The following DLGAP4 variants were observed in gnomAD, a reference collection of about 807,000 sequenced individuals.
The protein encoded by DLGAP4 is DLG associated protein 4, also known as disks large-associated protein 4.
DLGAP4 carries 18 observed loss-of-function variants against 86.9 expected under a neutral mutation model. The ratio of observed to expected loss-of-function variants is 0.21; its 90% confidence interval spans 0.14 to 0.31. The LOEUF is 0.31. Among genes scored for constraint, DLGAP4 ranks in the 10% least tolerant of loss-of-function variants. DLGAP4 has a pLI of 1.00. For missense variants in DLGAP4, 1,085 were observed against 1,362.6 expected, an observed-to-expected ratio of 0.80 and a Z score of 3.21; for synonymous variants, 548 against 574.3, an observed-to-expected ratio of 0.95 and a Z score of 0.65.
At chr20:36,459,206 G>A (rs2033959496) in intron 7 of DLGAP4, among the ~76,000 whole-genome samples, 1 of 152,036 alleles carries the variant, frequency 6.6e-6, no homozygotes, top group Non-Finnish European at 1.5e-5. Flanking sequence ...TTAGGGGAAG[G>A]ACCCAGTACT....
intron 7 of DLGAP4, chr20:36,461,661 CCG>C: frequency 8.5e-6 from 2 of 236,420 alleles, no homozygotes; most frequent in Non-Finnish European, 1.3e-5. Flanking sequence ...GGGGGCCGCC[CCG>C]CCCGGCCCGG....
chr20:36,504,562 A>G (rs1230487385), intron 10 of DLGAP4, among the ~76,000 whole-genome samples: 1 of 152,140 alleles, frequency 6.6e-6, no homozygotes, highest in Non-Finnish European at 1.5e-5. Context: ...CTTTTTGAGG[A>G]ATGGCTGAAC....
At chr20:36,366,193 C>G (rs577161265) in intron 1 of DLGAP4, among the ~76,000 whole-genome samples, 2 of 152,228 alleles carry the variant, frequency 1.3e-5, no homozygotes, top group Admixed American at 6.5e-5. Flanking sequence ...CATCTCGGCT[C>G]ACTGCAACCT....
intron 2 of DLGAP4, among the ~76,000 whole-genome samples, chr20:36,389,267 C>T (rs752040413): frequency 2.6e-5 from 4 of 152,104 alleles, no homozygotes; most frequent in South Asian, 4.1e-4. Context: ...ATTGCATAGA[C>T]GTAGTTTTAT....
At chr20:36,526,155 G>A in intron 12 of DLGAP4, 149 bp downstream of exon 12, 1 of 1,163,808 alleles carries the variant, frequency 8.6e-7, no homozygotes, top group Non-Finnish European at 1.2e-6. Flanking sequence ...TGGGGTCCAT[G>A]CTTGGCACTT....
chr20:36,509,304 C>T (rs1245274896), intron 10 of DLGAP4, among the ~76,000 whole-genome samples: 15 of 152,118 alleles, frequency 9.9e-5, no homozygotes, highest in Admixed American at 9.8e-4. Context: ...GGCGCAGTGG[C>T]TCATGCTTAT....
At position 36,350,473 on chromosome 20, in the gene DLGAP4, A is replaced by C. The variant is rs1029371069; in HGVS notation, c.-303-16572A>C. On this transcript the variant is annotated intron_variant, in intron 1 of 12. Transcript: ENST00000339266. The surrounding 1 kb of genome is among the most constrained non-coding windows in gnomAD (Gnocchi z 4.4). ...CACTCAGAATTCAACTTCCTTCAAT[A>C]TCTCAATTTGCAGGTGCTTAATGAA... Among the ~76,000 whole-genome samples the C allele has an allele frequency of 6.6e-6, 1 of 152,070 alleles. No homozygotes were observed. Among genetic ancestry groups the C allele is most frequent in the South Asian group, 2.1e-4 (1 of 4,826 alleles).
At chr20:36,440,919 A>G (rs1600533245) in intron 5 of DLGAP4, among the ~76,000 whole-genome samples, 1 of 151,840 alleles carries the variant, frequency 6.6e-6, no homozygotes, top group Admixed American at 6.6e-5. Flanking sequence ...AGGCTTTGGG[A>G]CCCCGACTCC....
At chr20:36,493,910 C>T (rs139806811) in intron 7 of DLGAP4, among the ~76,000 whole-genome samples, 4 of 152,318 alleles carry the variant, frequency 2.6e-5, no homozygotes, top group East Asian at 3.9e-4. Context: ...GCTTTTGGCC[C>T]GCAGCCTGTG....
intron 1 of DLGAP4, among the ~76,000 whole-genome samples, chr20:36,320,725 G>A (rs907755999): frequency 6.6e-6 from 1 of 152,156 alleles, no homozygotes; most frequent in African/African-American, 2.4e-5. Flanking sequence ...TGGGACCTCT[G>A]GGGGCTGCTG....
rs2037895116 is a variant in DLGAP4, at chr20:36,528,312, C to T, written c.*1281C>T. On this transcript the variant is annotated 3_prime_UTR_variant, in exon 13 of 13. Transcript: ENST00000339266. The stretch of plus-strand genomic sequence containing the variant: ...AGCCCTGAGCTGCAATGGCCCGGGC[C>T]TGCAGGGCGGGGTAGGGGAGGGCAG... 2.0e-5 allele frequency: 3 copies of T among 152,950 alleles called. No individual in the cohort carries two copies. The highest frequency in any genetic ancestry group is 7.2e-5 in the African/African-American group (3 of 41,564). The allele number at this position is 152,950 out of a possible 1,614,324, so 9.5% of individuals were successfully genotyped here.
chr20:36,445,553 T>C (rs973691776), intron 6 of DLGAP4, among the ~76,000 whole-genome samples: 4 of 152,170 alleles, frequency 2.6e-5, no homozygotes, highest in African/African-American at 4.8e-5. Flanking sequence ...ACCCTCCAAA[T>C]TGGGTGAACA....
chr20:36,460,204 G>A (rs939292002), intron 7 of DLGAP4, among the ~76,000 whole-genome samples: 2 of 152,136 alleles, frequency 1.3e-5, no homozygotes, highest in Admixed American at 6.5e-5. Context: ...CTTGGCTCAC[G>A]CCTGTAATCT....
chr20:36,520,507 T>C lies in DLGAP4; in HGVS notation c.2513-3743T>C, dbSNP rs144469384. Among the ~76,000 whole-genome samples, 353 of 152,080 alleles carry C rather than the reference T, an allele frequency of 2.3e-3. 1 individual carries two copies. The highest frequency in any genetic ancestry group is 3.7e-3 in the Non-Finnish European group (249 of 67,974). On this transcript the variant is annotated intron_variant, in intron 10 of 12. Coordinates refer to ENST00000339266, the MANE Select transcript of DLGAP4 (RefSeq NM_001365621.2). ...GATTAATAGGCATGCGTCACCAGCC[T>C]AGCTAATTTTTGTATTCTTAGTAGA...
intron 2 of DLGAP4, among the ~76,000 whole-genome samples, chr20:36,406,126 C>T (rs1032927521): frequency 1.8e-4 from 28 of 152,208 alleles, no homozygotes; most frequent in African/African-American, 5.8e-4. Context: ...AGGCCGGGCG[C>T]GGTGGCTCAC....
chr20:36,496,680 C>T (rs373068205), intron 7 of DLGAP4, 25 bp from the exon 8 acceptor site: 1 of 1,583,750 alleles, frequency 6.3e-7, no homozygotes, highest in Non-Finnish European at 8.6e-7. Context: ...CACCTCTCCC[C>T]TGCCCTTCTC....
chr20:36,513,941 T>C (rs1301374181), intron 10 of DLGAP4, among the ~76,000 whole-genome samples: 1 of 152,062 alleles, frequency 6.6e-6, no homozygotes, highest in African/African-American at 2.4e-5. Flanking sequence ...AAGCAGGCAG[T>C]TGGATATATG....
intron 2 of DLGAP4, among the ~76,000 whole-genome samples, chr20:36,419,563 A>C (rs2032763385): frequency 6.6e-6 from 1 of 152,198 alleles, no homozygotes; most frequent in African/African-American, 2.4e-5. Flanking sequence ...AGATGCAGTC[A>C]AGTTGTCAGC....
chr20:36,458,239 G>A (rs189067089), intron 7 of DLGAP4, among the ~76,000 whole-genome samples: 217 of 151,878 alleles, frequency 1.4e-3, no homozygotes, highest in African/African-American at 4.1e-3. Context: ...GACCGGGTGC[G>A]GTGGCTCACG....
Sources: allele counts gnomAD v4.1 joint callset (sites outside exome capture counted in the v4.1 genomes callset), GRCh38; gene constraint gnomAD v4.1.1; non-coding constraint Gnocchi (gnomAD v3.1); transcripts MANE v1.5; gene names NCBI Gene and HGNC (gene_info 2026-07-23, HGNC 2026-07-21).